Variants in GLG1 observed in about 807,000 individuals in gnomAD.
The protein encoded by GLG1 is golgi glycoprotein 1.
A neutral mutation model predicts 160.5 loss-of-function variants in GLG1; 38 were observed. The ratio of observed to expected loss-of-function variants is 0.24; its 90% CI spans 0.18 to 0.31. The LOEUF (loss-of-function observed/expected upper bound fraction) is 0.31, where lower values mean the gene tolerates loss of function less well. Among genes scored for constraint, GLG1 ranks in the 10% least tolerant of loss-of-function variants. GLG1 has a pLI of 1.00. For missense variants in GLG1, 1,373 were observed against 1,505.2 expected (o/e 0.91, Z 1.45); for synonymous variants, 644 against 543.4 (o/e 1.19, Z -2.57).
At chr16:74,481,871 G>A (rs954203285) in intron 10 of GLG1, among the ~76,000 whole-genome samples, 4 of 152,014 alleles carry the variant, frequency 2.6e-5, no homozygotes, top group Admixed American at 1.3e-4. Flanking sequence ...GGCAACCTCC[G>A]CCTCCCGGGT....
chr16:74,471,185 G>T lies in GLG1; in HGVS notation c.2217C>A (p.Thr739=). The T allele has an allele frequency of 1.3e-6, 2 of 1,592,136 alleles. No individual in the cohort carries two copies. Among genetic ancestry groups the T allele is most frequent in the Non-Finnish European group, 1.7e-6 (2 of 1,159,886 alleles). ...AGGTGTCACTGACCAGCTGGAAGTG[G>T]GTAACTCCGATGGCACACTTCTCGT... is the stretch of plus-strand genomic sequence containing the variant. ...DMNEKCAIGV[T]HFQLVQMKDF... is the part of the protein sequence containing the mutation. The change falls in exon 15 of 26, where the codon ACC becomes ACA. Residue 739 remains threonine (T), a synonymous_variant. Coordinates refer to ENST00000422840, the MANE Select transcript of GLG1 (RefSeq NM_001145667.2).
chr16:74,541,656 A>G (rs535664919), intron 1 of GLG1, among the ~76,000 whole-genome samples: 2 of 152,364 alleles, frequency 1.3e-5, no homozygotes, highest in East Asian at 3.9e-4. Flanking sequence ...ATATGCGACC[A>G]CTAGCCTTTC....
At chr16:74,462,726 G>C in intron 20 of GLG1, 96 bp from the exon 21 acceptor site, 1 of 1,070,828 alleles carries the variant, frequency 9.3e-7, no homozygotes, top group Non-Finnish European at 1.4e-6. Context: ...TTATGTCAAT[G>C]ATCATGACTA....
At chr16:74,506,102 T>TTG (rs397972637) in intron 3 of GLG1, among the ~76,000 whole-genome samples, 1 of 149,136 alleles carries the variant, frequency 6.7e-6, no homozygotes, top group East Asian at 2.0e-4. Context: ...TTTTTTTTTT[T>TTG]GCCGAACAAA....
intron 1 of GLG1, among the ~76,000 whole-genome samples, chr16:74,560,240 A>G (rs1567523852): frequency 6.6e-6 from 1 of 152,130 alleles, no homozygotes; most frequent in Non-Finnish European, 1.5e-5. Context: ...AATAGAACAA[A>G]AAGGCTGAAG....
At chr16:74,485,033 C>T (rs1337640879) in intron 9 of GLG1, among the ~76,000 whole-genome samples, 2 of 152,100 alleles carry the variant, frequency 1.3e-5, no homozygotes, top group Non-Finnish European at 2.9e-5. Flanking sequence ...CCCACATCAA[C>T]CTCCCAAGGG....
chr16:74,577,044 T>C (rs1283584815), intron 1 of GLG1, among the ~76,000 whole-genome samples: 1 of 151,916 alleles, frequency 6.6e-6, no homozygotes, highest in African/African-American at 2.4e-5. Flanking sequence ...GCCTCAGCCT[T>C]CCAGGCAACT....
At chr16:74,470,137 C>A (rs555808167) in intron 15 of GLG1, 64 bp from the exon 16 acceptor site, 3 of 954,986 alleles carry the variant, frequency 3.1e-6, no homozygotes, top group East Asian at 2.4e-5. Flanking sequence ...AGTGGTAGGG[C>A]GCACTTTTTC....
intron 18 of GLG1, 46 bp from the exon 19 acceptor site, chr16:74,465,859 C>A: frequency 6.4e-7 from 1 of 1,552,688 alleles, no homozygotes; most frequent in South Asian, 1.1e-5. Context: ...TCAGAGACTG[C>A]TCATCCATGT....
Position 74,452,038 on chromosome 16 carries a change from C to T in GLG1, c.*1129G>A. 6.3e-7 allele frequency: 1 copy of T among 1,586,680 alleles called. No homozygotes were observed. Among genetic ancestry groups the T allele is most frequent in the Non-Finnish European group, 8.7e-7 (1 of 1,154,916 alleles). On this transcript the variant is annotated 3_prime_UTR_variant, in exon 26 of 26. Transcript: ENST00000422840. Reference sequence around the variant, plus strand: ...AAAGGAGCTTGTCTGGGAAGTTTGTCTGGAGTGTGCAGAAAGGTCAGGCTG... The same window carrying T: ...AAAGGAGCTTGTCTGGGAAGTTTGTTTGGAGTGTGCAGAAAGGTCAGGCTG...
intron 22 of GLG1, among the ~76,000 whole-genome samples, chr16:74,460,034 T>TG (rs2014723983): frequency 6.6e-6 from 1 of 151,530 alleles, no homozygotes; most frequent in Non-Finnish European, 1.5e-5. Flanking sequence ...TTTTTTTTTT[T>TG]TTTTTAGACA....
chr16:74,553,689 G>A (rs907497339), intron 1 of GLG1, among the ~76,000 whole-genome samples: 1 of 152,090 alleles, frequency 6.6e-6, no homozygotes, highest in Middle Eastern at 3.4e-3. Flanking sequence ...TAGCCAGGAT[G>A]GTCTCGATCT....
At chr16:74,590,241 C>T (rs868296327) in intron 1 of GLG1, among the ~76,000 whole-genome samples, 4 of 152,046 alleles carry the variant, frequency 2.6e-5, no homozygotes, top group African/African-American at 9.7e-5. Flanking sequence ...TCTCGTGATC[C>T]GCCCACCTCG....
chr16:74,473,211 C>CA, intron 13 of GLG1, among the ~76,000 whole-genome samples: 1 of 148,940 alleles, frequency 6.7e-6, no homozygotes, highest in South Asian at 2.1e-4. Context: ...TCTAATCCCC[C>CA]TTTTTTTTTT....
chr16:74,545,789 T>C (rs749438775), intron 1 of GLG1, among the ~76,000 whole-genome samples: 31 of 152,210 alleles, frequency 2.0e-4, no homozygotes, highest in Admixed American at 2.6e-4. Flanking sequence ...AAGGTCTCTT[T>C]TCTAAGTTTT....
chr16:74,564,055 G>C (rs949313900), intron 1 of GLG1, among the ~76,000 whole-genome samples: 2 of 152,170 alleles, frequency 1.3e-5, no homozygotes, highest in Non-Finnish European at 2.9e-5. Flanking sequence ...CTGAGTAGTG[G>C]AACTACCAGC....
At chr16:74,480,158 G>T in intron 11 of GLG1, 83 bp downstream of exon 11, 3 of 1,149,920 alleles carry the variant, frequency 2.6e-6, no homozygotes, top group South Asian at 1.3e-5. Flanking sequence ...TTCCTAATAT[G>T]ACTGAAATCA....
chr16:74,508,720 C>A lies in GLG1; in HGVS notation c.558+119G>T, dbSNP rs964598065. 3.6e-5 allele frequency: 21 copies of A among 584,478 alleles called. 1 individual carries two copies. In the African/African-American group the frequency reaches 3.9e-4, roughly 11 times the overall value. The allele number at this position is 584,478 out of a possible 1,614,324, so 36.2% of individuals were successfully genotyped here. A position where few individuals can be genotyped will look rare whatever the true frequency, so the allele number is the denominator to read the frequency against. On this transcript the variant is annotated intron_variant, in intron 3 of 25. Coordinates refer to ENST00000422840, the MANE Select transcript of GLG1 (RefSeq NM_001145667.2). ...ACCCCCCAACTTCCTAATTTTCAAC[C>A]AAGACAGATGTGAATTCTAAGAAAA...
intron 23 of GLG1, chr16:74,458,292 A>T (rs112416815): frequency 3.9e-6 from 1 of 257,914 alleles, no homozygotes; most frequent in Non-Finnish European, 7.5e-6. Context: ...TCATTTTAAA[A>T]TACCTAAACG....
Sources: allele counts gnomAD v4.1 joint callset (sites outside exome capture counted in the v4.1 genomes callset), GRCh38; gene constraint gnomAD v4.1.1; transcripts MANE v1.5; gene names NCBI Gene and HGNC (gene_info 2026-07-23, HGNC 2026-07-21).